Variants in BRWD1 observed in about 807,000 individuals in gnomAD.
The protein encoded by BRWD1 is bromodomain and WD repeat domain containing 1.
A neutral mutation model predicts 251.2 loss-of-function variants in BRWD1; 82 were observed. The observed-to-expected ratio is 0.33, with a 90% CI of 0.27 to 0.39. BRWD1 has a LOEUF of 0.39. Among genes scored for constraint, BRWD1 ranks in the 10% least tolerant of loss-of-function variants. The probability of loss-of-function intolerance (pLI) is 1.00; values close to 1 mark genes in which losing one functional copy is unlikely to be tolerated. For synonymous variants in BRWD1, 918 were observed against 902.8 expected, an observed-to-expected ratio of 1.02 and a Z score of -0.30; for missense variants, 2,233 against 2,711.6, an observed-to-expected ratio of 0.82 and a Z score of 3.92.
intron 21 of BRWD1, among the ~76,000 whole-genome samples, chr21:39,244,344 A>G (rs1390235025): frequency 1.3e-5 from 2 of 152,108 alleles, no homozygotes; most frequent in South Asian, 2.1e-4. Flanking sequence ...GATTACAGGC[A>G]TGAGCCACTG....
intron 10 of BRWD1, chr21:39,278,515 T>G (rs985630133): frequency 2.1e-6 from 1 of 473,224 alleles, no homozygotes; most frequent in African/African-American, 2.0e-5. Context: ...AAGCCTCCCT[T>G]TTACCAGCCA....
At chr21:39,278,961 T>G in intron 9 of BRWD1, 148 bp from the exon 10 acceptor site, 9 of 582,014 alleles carry the variant, frequency 1.5e-5, no homozygotes, top group East Asian at 3.3e-5. Context: ...ACACAAACTC[T>G]TGGGCTCAAG....
Position 39,295,846 on chromosome 21 carries a change from G to C in BRWD1, c.506C>G (p.Pro169Arg), listed in dbSNP as rs1410115933. 1 of 1,609,028 alleles carries C rather than the reference G, an allele frequency of 6.2e-7. No homozygotes were observed. The highest frequency in any genetic ancestry group is 8.5e-7 in the Non-Finnish European group (1 of 1,177,076). ...TGCSTFSTAF[P>R]GTMYQHIKMH... ...TTTTATATGCTGATACATAGTTCCT[G>C]GAAATGCTGTACTAAAAGTGGAACA... Residue 169 changes from proline to arginine, a missense_variant, in exon 7 of 41, where the codon CCA becomes CGA. Pro to Arg is a moderately radical substitution (Grantham distance 103). Coordinates refer to ENST00000342449, the MANE Select transcript of BRWD1 (RefSeq NM_033656.4).
intron 29 of BRWD1, chr21:39,219,678 C>T (rs1474263841): frequency 1.3e-5 from 2 of 152,198 alleles, no homozygotes; most frequent in Admixed American, 6.5e-5. Flanking sequence ...AACATACACA[C>T]AAGTTTTATA....
At position 39,186,764 on chromosome 21, in the gene BRWD1, A is replaced by ATAG. The variant is rs535984533; in HGVS notation, c.*9492_*9494dup. On this transcript the variant is annotated 3_prime_UTR_variant, in exon 41 of 41. Coordinates refer to ENST00000342449, the MANE Select transcript of BRWD1 (RefSeq NM_033656.4). ...TCAAGGCCTTGCATTCTGGAAAGGA[A>ATAG]TAGTAGTCTTATAGCAGGCCATTTG... 1.1e-3 allele frequency: 377 copies of ATAG among 330,228 alleles called. 1 individual carries two copies. Among genetic ancestry groups the ATAG allele is most frequent in the African/African-American group, 7.5e-3 (348 of 46,592 alleles). 20.5% of individuals were successfully genotyped at this position (330,228 alleles called of 1,614,324 possible). A position where few individuals can be genotyped will look rare whatever the true frequency, so the allele number is the denominator to read the frequency against.
intron 37 of BRWD1, among the ~76,000 whole-genome samples, chr21:39,203,582 A>G (rs560852462): frequency 1.3e-5 from 2 of 149,420 alleles, no homozygotes; most frequent in South Asian, 4.3e-4. Flanking sequence ...AATTTTTTGT[A>G]ATTTTTAGTA....
chr21:39,302,321 A>T (rs558526722), intron 4 of BRWD1, among the ~76,000 whole-genome samples: 24 of 152,328 alleles, frequency 1.6e-4, no homozygotes, highest in African/African-American at 5.1e-4. Context: ...TAAGTTCTGC[A>T]GACAGAAGAA....
At chr21:39,233,603 G>A (rs1001426427) in intron 23 of BRWD1, among the ~76,000 whole-genome samples, 3 of 152,170 alleles carry the variant, frequency 2.0e-5, no homozygotes, top group Non-Finnish European at 4.4e-5. Flanking sequence ...AAATTGACAG[G>A]AGAAAATAAG....
intron 8 of BRWD1, among the ~76,000 whole-genome samples, chr21:39,285,666 T>G (rs2146720631): frequency 6.6e-6 from 1 of 152,118 alleles, no homozygotes; most frequent in Non-Finnish European, 1.5e-5. Flanking sequence ...CTCACACACA[T>G]AATCCCAGCA....
chr21:39,296,246 A>G lies in BRWD1; in HGVS notation c.448+19T>C, dbSNP rs1317810577. 1.3e-6 allele frequency: 2 copies of G among 1,561,156 alleles called. No homozygotes were observed. Among genetic ancestry groups the G allele is most frequent in the Non-Finnish European group, 1.7e-6 (2 of 1,157,390 alleles). Reference sequence around the variant, plus strand: ...TAAAAACAATTATTTCAGGCATCTCAAAGGCCAACCTTACTTACCAAGATT... The same window carrying G: ...TAAAAACAATTATTTCAGGCATCTCGAAGGCCAACCTTACTTACCAAGATT... On this transcript the variant is annotated intron_variant, in intron 6 of 40. Coordinates refer to ENST00000342449, the MANE Select transcript of BRWD1 (RefSeq NM_033656.4).
intron 4 of BRWD1, among the ~76,000 whole-genome samples, chr21:39,302,095 T>C (rs1427672077): frequency 6.7e-6 from 1 of 148,434 alleles, no homozygotes; most frequent in Non-Finnish European, 1.5e-5. Flanking sequence ...GTGATTCTCC[T>C]GCCTCAGCCT....
chr21:39,187,412 C>T lies in BRWD1; in HGVS notation c.*8847G>A. 11 of 1,546,040 alleles carry T rather than the reference C, an allele frequency of 7.1e-6. No homozygotes were observed. The highest frequency in any genetic ancestry group is 9.6e-6 in the Non-Finnish European group (11 of 1,149,928). On this transcript the variant is annotated 3_prime_UTR_variant, in exon 41 of 41. Coordinates refer to ENST00000342449, the MANE Select transcript of BRWD1 (RefSeq NM_033656.4). ...GTATTGGGTTCTCTGTCTCTAGGAACAAATTCTGAAAAATGAGTGAAAGTT... is the reference window on the plus strand; with the variant it reads ...GTATTGGGTTCTCTGTCTCTAGGAATAAATTCTGAAAAATGAGTGAAAGTT...
At chr21:39,240,655 A>C (rs937257561) in intron 21 of BRWD1, among the ~76,000 whole-genome samples, 1 of 152,256 alleles carries the variant, frequency 6.6e-6, no homozygotes, top group African/African-American at 2.4e-5. Flanking sequence ...AAACTGTTTC[A>C]ATCATGCCAT....
In BRWD1 at chr21:39,197,345, G is replaced by A. The variant is rs1221163238; in HGVS notation, c.5724C>T (p.Asp1908=). ...ATTTCTTAACCACCTGTAAACTACTGTCTGAGTCACTGGAACAGACCCTTT... is the reference window on the plus strand; with the variant it reads ...ATTTCTTAACCACCTGTAAACTACTATCTGAGTCACTGGAACAGACCCTTT... ...SRKRVCSSDS[D]SSLQVVKKSS... is the part of the protein sequence containing the mutation. Residue 1908 remains aspartate (D), a synonymous_variant, in exon 41 of 41, where the codon GAC becomes GAT. Coordinates refer to ENST00000342449, the MANE Select transcript of BRWD1 (RefSeq NM_033656.4). The A allele has an allele frequency of 2.5e-6, 4 of 1,613,808 alleles. No individual in the cohort carries two copies. The highest frequency in any genetic ancestry group is 1.7e-5 in the Admixed American group (1 of 60,004).
At chr21:39,223,910 G>A (rs1601319014) in intron 29 of BRWD1, among the ~76,000 whole-genome samples, 1 of 152,162 alleles carries the variant, frequency 6.6e-6, no homozygotes, top group Admixed American at 6.5e-5. Flanking sequence ...TGCAGTAGCC[G>A]CAATCTTGGC....
chr21:39,213,649 T>A, intron 32 of BRWD1, 96 bp from the exon 33 acceptor site: 1 of 694,742 alleles, frequency 1.4e-6, no homozygotes, highest in Non-Finnish European at 2.3e-6. Context: ...TTCACCAACC[T>A]ATACGTGCCT....
At chr21:39,211,758 A>G (rs1400693733) in intron 34 of BRWD1, among the ~76,000 whole-genome samples, 4 of 152,182 alleles carry the variant, frequency 2.6e-5, no homozygotes, top group Non-Finnish European at 5.9e-5. Context: ...GAAAATGACT[A>G]ATCAAATTAG....
At chr21:39,241,509 A>T (rs961797187) in intron 21 of BRWD1, among the ~76,000 whole-genome samples, 12 of 138,428 alleles carry the variant, frequency 8.7e-5, no homozygotes, top group African/African-American at 3.3e-4. Flanking sequence ...AAAAAAAAAA[A>T]AAAAAAGATT....
chr21:39,272,759 C>T (rs979467157), intron 13 of BRWD1, among the ~76,000 whole-genome samples: 16 of 151,914 alleles, frequency 1.1e-4, no homozygotes, highest in Admixed American at 1.3e-4. Context: ...AGGCGCATGC[C>T]ACCATATCCG....
Sources: allele counts gnomAD v4.1 joint callset (sites outside exome capture counted in the v4.1 genomes callset), GRCh38; gene constraint gnomAD v4.1.1; transcripts MANE v1.5; gene names NCBI Gene and HGNC (gene_info 2026-07-23, HGNC 2026-07-21).